The following MCM10 variants were observed in gnomAD, a reference collection of about 807,000 sequenced individuals.
MCM10 encodes the protein minichromosome maintenance 10 replication initiation factor, also known as protein MCM10 homolog.
A neutral mutation model predicts 109.9 loss-of-function variants in MCM10; 91 were observed. The observed-to-expected ratio is 0.83, with a 90% CI of 0.70 to 0.99. The LOEUF (loss-of-function observed/expected upper bound fraction) is 0.99. MCM10 is among the 50% of genes least tolerant of loss of function. The pLI is 0.00. For missense variants in MCM10, 1,077 were observed against 1,061.2 expected (o/e 1.01, Z -0.21); for synonymous variants, 380 against 387.2 (o/e 0.98, Z 0.22).
At chr10:13,186,021 C>T (rs1321224196) in intron 8 of MCM10, 143 bp from the exon 9 acceptor site, 3 of 567,756 alleles carry the variant, frequency 5.3e-6, no homozygotes, top group Non-Finnish European at 9.7e-6. Context: ...CTCGGCCTCC[C>T]AGAGTGCTAG....
chr10:13,196,951 G>A (rs926143199), intron 14 of MCM10, among the ~76,000 whole-genome samples: 1 of 152,082 alleles, frequency 6.6e-6, no homozygotes, highest in Non-Finnish European at 1.5e-5. Flanking sequence ...TTGAGACAGG[G>A]TCTCACTCTG....
At chr10:13,205,822 TGTAA>T (rs567843698) in intron 18 of MCM10, among the ~76,000 whole-genome samples, 140 of 152,324 alleles carry the variant, frequency 9.2e-4, no homozygotes, top group African/African-American at 3.2e-3. Flanking sequence ...CTGTGTGTGT[TGTAA>T]GTGTCTTTTG....
chr10:13,192,657 C>T, intron 13 of MCM10, 89 bp downstream of exon 13: 2 of 1,233,680 alleles, frequency 1.6e-6, no homozygotes, highest in Middle Eastern at 1.9e-4. Context: ...AATGTGACTT[C>T]AGGTTTCGGT....
At chr10:13,174,134 ATTTTTTTTTTT>A (rs139116646) in intron 5 of MCM10, among the ~76,000 whole-genome samples, 1 of 75,146 alleles carries the variant, frequency 1.3e-5, no homozygotes, top group Non-Finnish European at 2.5e-5. Flanking sequence ...CTAGTTTTGG[ATTTTTTTTTTT>A]TTTTTTTTTT....
chr10:13,180,340 C>A, intron 6 of MCM10, 102 bp from the exon 7 acceptor site: 2 of 898,036 alleles, frequency 2.2e-6, no homozygotes, highest in Non-Finnish European at 3.3e-6. Flanking sequence ...AGAACAGGTA[C>A]TGTAGAGGTT....
At chr10:13,202,711 A>G (rs1834516189) in intron 17 of MCM10, among the ~76,000 whole-genome samples, 2 of 152,182 alleles carry the variant, frequency 1.3e-5, no homozygotes, top group South Asian at 2.1e-4. Flanking sequence ...TTCACCCTAG[A>G]TGACAGCTCT....
At chr10:13,175,374 C>T (rs1412416968) in intron 5 of MCM10, 136 bp from the exon 6 acceptor site, 12 of 665,676 alleles carry the variant, frequency 1.8e-5, no homozygotes, top group Non-Finnish European at 2.4e-5. Context: ...TCCCAGATCA[C>T]GCCACCATTG....
At chr10:13,175,447 T>A (rs926259506) in intron 5 of MCM10, 63 bp from the exon 6 acceptor site, 1 of 1,435,358 alleles carries the variant, frequency 7.0e-7, no homozygotes, top group Non-Finnish European at 9.8e-7. Context: ...AAAAACAAAT[T>A]TCCAAATTCC....
rs1244174129 is a variant in MCM10, at chr10:13,180,729, A to G, written c.930+122A>G. On this transcript the variant is annotated intron_variant, in intron 7 of 19. Coordinates refer to ENST00000378714, the MANE Select transcript of MCM10 (RefSeq NM_018518.5). Reference sequence around the variant, plus strand: ...TTTAGAAATAAGTATAGTAAGTTCCAGAATCACCACACATCATTGAGTTGG... The same window carrying G: ...TTTAGAAATAAGTATAGTAAGTTCCGGAATCACCACACATCATTGAGTTGG... The G allele has an allele frequency of 2.3e-5, 26 of 1,139,284 alleles. No homozygotes were observed. The East Asian group carries it at 5.7e-4, about 25-fold the overall frequency. 70.6% of individuals were successfully genotyped at this position (1,139,284 alleles called of 1,614,324 possible).
chr10:13,187,104 A>G (rs1834285143), intron 9 of MCM10, among the ~76,000 whole-genome samples: 1 of 152,230 alleles, frequency 6.6e-6, no homozygotes, highest in African/African-American at 2.4e-5. Flanking sequence ...TGCCCCAGAA[A>G]GAAACCCAGT....
Position 13,182,868 on chromosome 10 carries a change from T to C in MCM10, c.931-65T>C. 7.5e-7 allele frequency: 1 copy of C among 1,324,978 alleles called. No individual in the cohort carries two copies. The highest frequency in any genetic ancestry group is 1.0e-6 in the Non-Finnish European group (1 of 955,528). The allele number at this position is 1,324,978 out of a possible 1,614,324, so 82.1% of individuals were successfully genotyped here. A position where few individuals can be genotyped will look rare whatever the true frequency, so the allele number is the denominator to read the frequency against. On this transcript the variant is annotated intron_variant, in intron 7 of 19. Coordinates refer to ENST00000378714, the MANE Select transcript of MCM10 (RefSeq NM_018518.5). The surrounding 1 kb of genome is among the most constrained non-coding windows in gnomAD (Gnocchi z 4.2). ...ATATAGTTTTCCATAGTAAAACTCT[T>C]GAATCATAAATGAGGACGGCATAAC...
intron 2 of MCM10, among the ~76,000 whole-genome samples, chr10:13,167,172 C>T (rs1834012701): frequency 6.6e-6 from 1 of 152,110 alleles, no homozygotes; most frequent in Non-Finnish European, 1.5e-5. Context: ...GACCAGTCAG[C>T]ATGGTAGCGA....
At chr10:13,161,933 ATGATTTGCCAATGATTAT>A (rs1833932591) in intron 1 of MCM10, among the ~76,000 whole-genome samples, 1 of 152,106 alleles carries the variant, frequency 6.6e-6, no homozygotes, top group Non-Finnish European at 1.5e-5. Flanking sequence ...TCTCGTATTC[ATGATTTGCCAATGATTAT>A]TGAATGCGGA....
intron 15 of MCM10, 135 bp downstream of exon 15, chr10:13,197,902 C>A: frequency 6.0e-6 from 5 of 839,068 alleles, no homozygotes; most frequent in Non-Finnish European, 8.7e-6. Context: ...AATAGAATTT[C>A]TATGGGTGGA....
chr10:13,188,964 C>T lies in MCM10; in HGVS notation c.1299C>T (p.Phe433=), dbSNP rs767714515. The change falls in exon 10 of 20, where the codon TTC becomes TTT. Residue 433 remains phenylalanine (F), a synonymous_variant. Coordinates refer to ENST00000378714, the MANE Select transcript of MCM10 (RefSeq NM_018518.5). ...SAKRADLQST[F]SGGRIPKKFA... ...AGCGTGCGGATCTGCAGTCCACCTT[C>T]TCTGGAGGACGAATTCCAAAGAAGT... 2.7e-5 allele frequency: 43 copies of T among 1,614,212 alleles called. No homozygotes were observed. The South Asian group carries it at 3.6e-4, about 14-fold the overall frequency.
At position 13,172,234 on chromosome 10, in the gene MCM10, C is replaced by T. The variant is rs1834083648; in HGVS notation, c.350-142C>T. The T allele has an allele frequency of 1.5e-6, 1 of 655,192 alleles. No homozygotes were observed. Among genetic ancestry groups the T allele is most frequent in the South Asian group, 2.0e-5 (1 of 50,806 alleles). 40.6% of individuals were successfully genotyped at this position (655,192 alleles called of 1,614,324 possible). On this transcript the variant is annotated intron_variant, in intron 3 of 19. Coordinates refer to ENST00000378714, the MANE Select transcript of MCM10 (RefSeq NM_018518.5). This position sits in a 1 kb window ranked among gnomAD's most constrained non-coding sequence, Gnocchi z 5.2. ...ACCTCTTTGAAGTACCAAAGTTAAT[C>T]ATGAGCTTTGGGTATGTGATTATAT...
Position 13,183,053 on chromosome 10 carries a change from G to A in MCM10, c.1051G>A (p.Gly351Arg). ...GAAGACGGAGCAGGGGACTGTCGTAGGGATCCTCAATGCCAACCCCATGAA... is the reference window on the plus strand; with the variant it reads ...GAAGACGGAGCAGGGGACTGTCGTAAGGATCCTCAATGCCAACCCCATGAA... ...LWKTEQGTVV[G>R]ILNANPMKPK... Residue 351 changes from glycine to arginine, a missense_variant, in exon 8 of 20, where the codon GGG (glycine) becomes AGG (arginine). Gly to Arg is a moderately radical substitution (Grantham distance 125). Coordinates refer to ENST00000378714, the MANE Select transcript of MCM10 (RefSeq NM_018518.5). 6.2e-7 allele frequency: 1 copy of A among 1,614,186 alleles called. No homozygotes were observed. Among genetic ancestry groups the A allele is most frequent in the Non-Finnish European group, 8.5e-7 (1 of 1,180,028 alleles).
intron 8 of MCM10, among the ~76,000 whole-genome samples, chr10:13,185,527 T>C (rs1177752217): frequency 1.3e-5 from 2 of 152,214 alleles, no homozygotes; most frequent in Non-Finnish European, 2.9e-5. Flanking sequence ...CTCCTGTTTA[T>C]GTCTGAGCAT....
At position 13,209,269 on chromosome 10, in the gene MCM10, A is replaced by C. The variant is rs762672756; in HGVS notation, c.2584A>C (p.Arg862=). 3.7e-6 allele frequency: 6 copies of C among 1,614,132 alleles called. 1 individual carries two copies. In the South Asian group the frequency reaches 5.5e-5, roughly 15 times the overall value. The change falls in exon 20 of 20, where the codon AGA becomes CGA. Residue 862 remains arginine (R), a synonymous_variant. Transcript: ENST00000378714. ...GATAGGAGGAGAAACTCTGTTACCA[A>C]GAGGAGAAGAACATGCTAAATTTCT... The part of the protein sequence containing the change: ...PKIGGETLLP[R]GEEHAKFLNS...
Sources: allele counts gnomAD v4.1 joint callset (sites outside exome capture counted in the v4.1 genomes callset), GRCh38; gene constraint gnomAD v4.1.1; non-coding constraint Gnocchi (gnomAD v3.1); transcripts MANE v1.5; gene names NCBI Gene and HGNC (gene_info 2026-07-23, HGNC 2026-07-21).